CMSS1: variants seen among roughly 807,000 people sequenced by gnomAD.
CMSS1 encodes cms1 ribosomal small subunit homolog.
A neutral mutation model predicts 43.5 loss-of-function variants in CMSS1; 33 were observed. The ratio of observed to expected loss-of-function variants is 0.76; its 90% CI spans 0.57 to 1.01. The LOEUF (loss-of-function observed/expected upper bound fraction) is 1.01, where lower values mean the gene tolerates loss of function less well. Among genes scored for constraint, CMSS1 ranks in the 50% least tolerant of loss-of-function variants. CMSS1 has a pLI of 0.00. For synonymous variants in CMSS1, 115 were observed against 117.2 expected, an observed-to-expected ratio of 0.98 and a Z score of 0.12; for missense variants, 313 against 326.4, an observed-to-expected ratio of 0.96 and a Z score of 0.32.
At chr3:100,135,438 A>ATGTGGG (rs2066744233) in intron 1 of CMSS1, among the ~76,000 whole-genome samples, 1 of 120,734 alleles carries the variant, frequency 8.3e-6, no homozygotes, top group Admixed American at 8.3e-5. Flanking sequence ...GTGTGTGTGC[A>ATGTGGG]TGTGTGTGTG....
intron 1 of CMSS1, among the ~76,000 whole-genome samples, chr3:100,127,737 G>A (rs1036355411): frequency 2.0e-5 from 3 of 152,210 alleles, no homozygotes; most frequent in Non-Finnish European, 2.9e-5. Context: ...AATGGAGGGC[G>A]TGGAGACAGA....
At chr3:99,820,174 C>G (rs1000829553) in intron 1 of CMSS1, among the ~76,000 whole-genome samples, 5 of 151,940 alleles carry the variant, frequency 3.3e-5, no homozygotes, top group Non-Finnish European at 5.9e-5. Flanking sequence ...CTACTTCTTA[C>G]ATTCCTTCTA....
At chr3:100,160,319 C>G (rs2067012640) in intron 2 of CMSS1, 111 bp from the exon 3 acceptor site, 2 of 644,998 alleles carry the variant, frequency 3.1e-6, no homozygotes. Context: ...AGAATATTAC[C>G]AAGATACTCT....
Position 100,054,885 on chromosome 3 carries a change from A to G in CMSS1, c.65-92088A>G, listed in dbSNP as rs144097201. 2.4e-3 allele frequency among the ~76,000 whole-genome samples: 369 copies of G among 152,306 alleles called. 1 individual carries two copies. The highest frequency in any genetic ancestry group is 8.4e-3 in the African/African-American group (347 of 41,556). On this transcript the variant is annotated intron_variant, in intron 1 of 9. Transcript: ENST00000421999. The stretch of plus-strand genomic sequence containing the variant: ...TGTTCAGAAGTATGAGGTCATTTCA[A>G]ATTTAGTCTCATGTTATTCTGTTAA...
intron 1 of CMSS1, among the ~76,000 whole-genome samples, chr3:99,840,175 GA>G (rs1943068854): frequency 6.9e-6 from 1 of 145,550 alleles, no homozygotes; most frequent in African/African-American, 2.5e-5. Flanking sequence ...ATAATGGGGA[GA>G]AAAAGCTGAT....
At chr3:100,001,889 A>G (rs536520957) in intron 1 of CMSS1, among the ~76,000 whole-genome samples, 26 of 152,220 alleles carry the variant, frequency 1.7e-4, no homozygotes, top group Non-Finnish European at 3.4e-4. Flanking sequence ...GCTGCTCAGC[A>G]TAGAAGGTCG....
At chr3:99,993,937 G>A (rs1378323034) in intron 1 of CMSS1, among the ~76,000 whole-genome samples, 1 of 152,072 alleles carries the variant, frequency 6.6e-6, no homozygotes, top group Non-Finnish European at 1.5e-5. Context: ...ATAGTTTTCA[G>A]TGTGTGTCCT....
At position 100,147,030 on chromosome 3, in the gene CMSS1, C is replaced by T. The variant is rs2066857765; in HGVS notation, c.122C>T (p.Pro41Leu). The change falls in exon 2 of 10, where the codon CCA (proline) becomes CTA (leucine). Residue 41 changes from proline (P) to leucine (L), a missense_variant. Coordinates refer to ENST00000421999, the MANE Select transcript of CMSS1 (RefSeq NM_032359.4). Reference protein sequence around the residue: ...DTEVMQQETVPVPVPSEKTKQ... With the variant: ...DTEVMQQETVLVPVPSEKTKQ... ...GAAGTGATGCAGCAGGAGACAGTTC[C>T]AGTTCCTGTACCTTCAGAGAAAACC... 3 of 1,613,928 alleles carry T rather than the reference C, an allele frequency of 1.9e-6. No individual in the cohort carries two copies. Among genetic ancestry groups the T allele is most frequent in the Non-Finnish European group, 2.5e-6 (3 of 1,179,880 alleles).
chr3:100,028,298 C>A (rs535756795), intron 1 of CMSS1, among the ~76,000 whole-genome samples: 54 of 152,284 alleles, frequency 3.5e-4, no homozygotes, highest in African/African-American at 1.3e-3. Context: ...CCCAGGCTGT[C>A]ATTTTTCAGC....
At chr3:99,966,740 A>G (rs2107711249) in intron 1 of CMSS1, among the ~76,000 whole-genome samples, 1 of 152,364 alleles carries the variant, frequency 6.6e-6, no homozygotes, top group East Asian at 1.9e-4. Context: ...CAGATTTGAA[A>G]AATCATTTGG....
chr3:99,848,810 G>C (rs368049787), intron 1 of CMSS1: 4 of 1,614,032 alleles, frequency 2.5e-6, no homozygotes, highest in African/African-American at 1.3e-5. Flanking sequence ...GACTTTACTG[G>C]TGTTATGGAG....
chr3:99,896,478 C>G (rs755138278), intron 1 of CMSS1, among the ~76,000 whole-genome samples: 5 of 151,982 alleles, frequency 3.3e-5, no homozygotes, highest in Non-Finnish European at 5.9e-5. Context: ...ATGGTAGTCA[C>G]CTTAAGCTAC....
chr3:99,955,687 C>T (rs962650940), intron 1 of CMSS1, among the ~76,000 whole-genome samples: 10 of 152,062 alleles, frequency 6.6e-5, no homozygotes, highest in African/African-American at 2.4e-4. Context: ...CTTCCTGGAG[C>T]ATTGATGATG....
intron 1 of CMSS1, among the ~76,000 whole-genome samples, chr3:99,887,540 GT>G (rs951416984): frequency 6.6e-6 from 1 of 152,200 alleles, no homozygotes; most frequent in Admixed American, 6.5e-5. Context: ...TAAGTAGTGG[GT>G]TCTGGGTTTT....
Position 100,178,566 on chromosome 3 carries a change from C to G in CMSS1, c.*178C>G, listed in dbSNP as rs2067166548. On this transcript the variant is annotated 3_prime_UTR_variant, in exon 10 of 10. Transcript: ENST00000421999. ...AGAAATGAAACTGTCCTTTTGACAA[C>G]TCTCTTATATAATAAAGTATCACCG... The G allele has an allele frequency of 1.8e-6, 1 of 553,622 alleles. No individual in the cohort carries two copies. Among genetic ancestry groups the G allele is most frequent in the African/African-American group, 1.9e-5 (1 of 52,904 alleles). The allele number at this position is 553,622 out of a possible 1,614,324, so 34.3% of individuals were successfully genotyped here. A position where few individuals can be genotyped will look rare whatever the true frequency, so the allele number is the denominator to read the frequency against.
intron 1 of CMSS1, among the ~76,000 whole-genome samples, chr3:99,971,399 G>C (rs1414723624): frequency 6.6e-6 from 1 of 151,672 alleles, no homozygotes; most frequent in South Asian, 2.1e-4. Flanking sequence ...CACAAGGAAA[G>C]AAGTCCATTT....
intron 1 of CMSS1, chr3:99,925,802 A>G (rs774922190): frequency 2.8e-5 from 27 of 967,344 alleles, no homozygotes; most frequent in Middle Eastern, 1.0e-3. Context: ...AGTAAAGAAC[A>G]TGCCAGTGGC....
chr3:99,945,364 T>C (rs1222288703), intron 1 of CMSS1, among the ~76,000 whole-genome samples: 1 of 152,116 alleles, frequency 6.6e-6, no homozygotes, highest in Non-Finnish European at 1.5e-5. Flanking sequence ...TCAGACTCTC[T>C]GAGGTCTGTG....
rs1245135046 is a variant in CMSS1 at position 99,958,237 on chromosome 3, A to ATT, written c.64+140195_64+140196dup. ...TATTATTATTATTATTATTATTATTATTATTATTATTATTTGAAGGTAACA... is the reference window on the plus strand; with the variant it reads ...TATTATTATTATTATTATTATTATTATTTTATTATTATTATTTGAAGGTAACA... On this transcript the variant is annotated intron_variant, in intron 1 of 9. Transcript: ENST00000421999. 7.0e-4 allele frequency among the ~76,000 whole-genome samples: 102 copies of ATT among 146,092 alleles called. 1 individual carries two copies. Among genetic ancestry groups the ATT allele is most frequent in the Non-Finnish European group, 1.3e-3 (84 of 66,818 alleles).
Sources: gnomAD v4.1 joint callset for allele counts (sites outside exome capture counted in the v4.1 genomes callset) on GRCh38, gnomAD v4.1.1 for gene constraint, MANE v1.5 for transcripts, NCBI Gene and HGNC (gene_info 2026-07-23, HGNC 2026-07-21) for gene names.